MZT2B: variants seen among roughly 807,000 people sequenced by gnomAD.
MZT2B encodes the protein mitotic-spindle organizing protein 2B.
MZT2B carries 11 observed loss-of-function variants against 12.1 expected under a neutral mutation model. The ratio of observed to expected loss-of-function variants is 0.91; its 90% confidence interval spans 0.57 to 1.50. MZT2B has a LOEUF of 1.50. MZT2B is among the 40% of genes most tolerant of loss of function. The probability of loss-of-function intolerance (pLI) is 0.00; values close to 1 mark genes in which losing one functional copy is unlikely to be tolerated. For synonymous variants in MZT2B, 85 were observed against 109.5 expected (o/e 0.78, Z 1.40); for missense variants, 209 against 227.7 (o/e 0.92, Z 0.53).
downstream of MZT2B, chr2:130,192,062 G>C (rs142556135): frequency 6.3e-3 from 10,139 of 1,613,486 alleles, 297 homozygotes; most frequent in African/African-American, 0.086. Context: ...GCATGCACAC[G>C]GCCCGCTGCA....
intron 2 of MZT2B, 144 bp from the exon 3 acceptor site, chr2:130,190,325 C>T (rs1573767114): frequency 1.5e-6 from 2 of 1,301,066 alleles, no homozygotes; most frequent in East Asian, 5.1e-5. Context: ...AGTCTCAGGA[C>T]TTGGGGCTGA....
the MZT2B span, chr2:130,196,115 C>T: frequency 6.3e-7 from 1 of 1,576,504 alleles, no homozygotes; most frequent in South Asian, 1.2e-5. Flanking sequence ...CCCACCCTCT[C>T]AGGAAAGCTG....
At chr2:130,192,595 G>A (rs1281933901), downstream of MZT2B, among the ~76,000 whole-genome samples, 2 of 152,148 alleles carry the variant, frequency 1.3e-5, no homozygotes, top group East Asian at 3.8e-4. Context: ...GCAGATCATG[G>A]GTCAAGAGTC....
chr2:130,194,275 T>C (rs2259488), downstream of MZT2B: 333,192 of 1,371,912 alleles, frequency 0.24, 93,833 homozygotes, highest in African/African-American at 0.41. Context: ...TGTGGGTGGT[T>C]AGGATGGAGT....
intron 2 of MZT2B, among the ~76,000 whole-genome samples, chr2:130,187,924 G>A (rs1211668417): frequency 6.6e-6 from 1 of 152,038 alleles, no homozygotes; most frequent in African/African-American, 2.4e-5. Flanking sequence ...CATGCTTGTA[G>A]TCCCAGCTAC....
chr2:130,188,493 G>A (rs1347648535), intron 2 of MZT2B, among the ~76,000 whole-genome samples: 1 of 152,192 alleles, frequency 6.6e-6, no homozygotes, highest in African/African-American at 2.4e-5. Context: ...TCTGCTTTGT[G>A]CCTTTTTCAC....
the MZT2B span, chr2:130,204,275 T>A: frequency 0.013 from 7,092 of 535,646 alleles, 95 homozygotes; most frequent in African/African-American, 0.099. Context: ...CTCAATGAGC[T>A]CATGGCAGAG....
chr2:130,192,388 T>C (rs1425640406), downstream of MZT2B, among the ~76,000 whole-genome samples: 1 of 152,174 alleles, frequency 6.6e-6, no homozygotes, highest in Admixed American at 6.5e-5. Flanking sequence ...TGACATGTGA[T>C]AGGTGCCCAG....
upstream of MZT2B, chr2:130,182,199 C>A (rs1689718550): frequency 3.2e-6 from 4 of 1,250,962 alleles, no homozygotes; most frequent in Non-Finnish European, 4.0e-6. Flanking sequence ...GGAGGCCAGA[C>A]GTTGACGCTG....
chr2:130,201,791 G>A, the MZT2B span, among the ~76,000 whole-genome samples: 2 of 152,182 alleles, frequency 1.3e-5, no homozygotes, highest in Admixed American at 6.5e-5. Context: ...GACCAACCAA[G>A]GTGGTGCAGC....
chr2:130,189,662 C>T (rs1160140222), intron 2 of MZT2B, among the ~76,000 whole-genome samples: 8 of 152,144 alleles, frequency 5.3e-5, no homozygotes, highest in African/African-American at 1.7e-4. Context: ...TCAGTCTTGC[C>T]GATGCTGTCA....
Position 130,184,317 on chromosome 2 carries a change from G to A in MZT2B, c.319+1542G>A, listed in dbSNP as rs111809615. On this transcript the variant is annotated intron_variant, in intron 2 of 2. Coordinates refer to ENST00000281871, the MANE Select transcript of MZT2B (RefSeq NM_025029.5). ...CAGCCCCAGGCGTGACAAACACCTC[G>A]GCCTCTTAGAAGTTGTCCCTTATCT... The A allele has an allele frequency of 6.7e-4, 657 of 985,436 alleles. 2 individuals carry two copies. The highest frequency in any genetic ancestry group is 2.1e-3 in the South Asian group (44 of 21,290). 61.0% of individuals were successfully genotyped at this position (985,436 alleles called of 1,614,324 possible).
rs186586191 is a variant in MZT2B, at chr2:130,183,608, A to C, written c.319+833A>C. On this transcript the variant is annotated intron_variant, in intron 2 of 2. Coordinates refer to ENST00000281871, the MANE Select transcript of MZT2B (RefSeq NM_025029.5). ...CAGAGCTGGCTCCCTGCCTGGAAGCACGAGGAGACCCGCACAGGCATCCTG... is the reference window on the plus strand; with the variant it reads ...CAGAGCTGGCTCCCTGCCTGGAAGCCCGAGGAGACCCGCACAGGCATCCTG... 1.5e-3 allele frequency: 1,531 copies of C among 1,045,314 alleles called. 13 individuals are homozygous for C. In the African/African-American group the frequency reaches 0.02, roughly 13 times the overall value. The allele number at this position is 1,045,314 out of a possible 1,614,324, so 64.8% of individuals were successfully genotyped here. A position where few individuals can be genotyped will look rare whatever the true frequency, so the allele number is the denominator to read the frequency against.
At chr2:130,195,440 C>T (rs1387245198), downstream of MZT2B, among the ~76,000 whole-genome samples, 1 of 152,228 alleles carries the variant, frequency 6.6e-6, no homozygotes, top group African/African-American at 2.4e-5. Context: ...TTAAACTCAG[C>T]TTGTGGTATA....
At position 130,182,308 on chromosome 2, in the gene MZT2B, G is replaced by C. The variant is rs1316999376; in HGVS notation, c.26G>C (p.Gly9Ala). 6.6e-7 allele frequency: 1 copy of C among 1,508,698 alleles called. No individual in the cohort carries two copies. Among genetic ancestry groups the C allele is most frequent in the East Asian group, 2.6e-5 (1 of 38,868 alleles). 93.5% of individuals were successfully genotyped at this position (1,508,698 alleles called of 1,614,324 possible). ...ATGGCGGCGCAGGGCGTAGGGCCTGGGCCGGGGTCGGCGGCGCCCCCGGGG... is the reference window on the plus strand; with the variant it reads ...ATGGCGGCGCAGGGCGTAGGGCCTGCGCCGGGGTCGGCGGCGCCCCCGGGG... MAAQGVGPGPGSAAPPGLE... is the reference protein window; with the variant it reads MAAQGVGPAPGSAAPPGLE... The change falls in exon 1 of 3, where the codon GGG becomes GCG. Residue 9 changes from glycine to alanine, a missense_variant. By Grantham distance (60) the Gly-to-Ala change is moderately conservative. Transcript: ENST00000281871.
chr2:130,188,911 T>C (rs150282609), intron 2 of MZT2B, among the ~76,000 whole-genome samples: 1 of 152,016 alleles, frequency 6.6e-6, no homozygotes, highest in Non-Finnish European at 1.5e-5. Context: ...GCATCTTTTC[T>C]CCAGGAATCC....
At chr2:130,192,436 GTCT>G (rs1690287163), downstream of MZT2B, among the ~76,000 whole-genome samples, 1 of 152,154 alleles carries the variant, frequency 6.6e-6, no homozygotes, top group Non-Finnish European at 1.5e-5. Flanking sequence ...TATGCTGCTT[GTCT>G]TCTTTGTAGA....
chr2:130,185,890 G>T (rs1175604064), intron 2 of MZT2B, among the ~76,000 whole-genome samples: 2 of 152,148 alleles, frequency 1.3e-5, no homozygotes, highest in Non-Finnish European at 2.9e-5. Context: ...CATAGCCCAG[G>T]TCCTGTAGGC....
chr2:130,181,724 G>A, upstream of MZT2B: 1 of 1,549,048 alleles, frequency 6.5e-7, no homozygotes, highest in Non-Finnish European at 8.7e-7. Context: ...GAGAAATGGC[G>A]AGGCAGGAGT....
Sources: allele counts gnomAD v4.1 joint callset (sites outside exome capture counted in the v4.1 genomes callset), GRCh38; gene constraint gnomAD v4.1.1; transcripts MANE v1.5; gene names NCBI Gene and HGNC (gene_info 2026-07-23, HGNC 2026-07-21).